NXPH1: variants seen among roughly 807,000 people sequenced by gnomAD.
NXPH1 encodes the protein neurexophilin-1.
NXPH1 carries 5 observed loss-of-function variants against 23.7 expected under a neutral mutation model. The observed-to-expected ratio is 0.21, with a 90% CI of 0.11 to 0.44. The LOEUF (loss-of-function observed/expected upper bound fraction) is 0.44. Ranked by LOEUF, NXPH1 falls within the 20% of genes least tolerant of loss-of-function variation. The probability of loss-of-function intolerance (pLI) is 0.99; values close to 1 mark genes in which losing one functional copy is unlikely to be tolerated. For missense variants in NXPH1, 324 were observed against 321.6 expected, an observed-to-expected ratio of 1.01 and a Z score of -0.06; for synonymous variants, 144 against 122.2, an observed-to-expected ratio of 1.18 and a Z score of -1.18.
intron 2 of NXPH1, among the ~76,000 whole-genome samples, chr7:8,680,351 G>A (rs1821031626): frequency 6.6e-6 from 1 of 152,156 alleles, no homozygotes; most frequent in Non-Finnish European, 1.5e-5. Context: ...GAAAATACAT[G>A]GGCTGTGTGA....
At chr7:8,578,629 G>T (rs1818798810) in intron 2 of NXPH1, among the ~76,000 whole-genome samples, 1 of 152,164 alleles carries the variant, frequency 6.6e-6, no homozygotes, top group Non-Finnish European at 1.5e-5. Context: ...ACTGCAGGCT[G>T]GTCATGAACT....
chr7:8,675,864 T>A (rs934155813), intron 2 of NXPH1, among the ~76,000 whole-genome samples: 17 of 152,138 alleles, frequency 1.1e-4, no homozygotes, highest in Non-Finnish European at 2.5e-4. Flanking sequence ...TCCAATAAAT[T>A]AGTCAATTCA....
At chr7:8,496,280 A>C (rs1426279541) in intron 2 of NXPH1, among the ~76,000 whole-genome samples, 1 of 152,030 alleles carries the variant, frequency 6.6e-6, no homozygotes, top group African/African-American at 2.4e-5. Context: ...GTGAAGGGTG[A>C]GCACAAGGTA....
At chr7:8,490,821 A>G (rs1817236962) in intron 2 of NXPH1, among the ~76,000 whole-genome samples, 1 of 152,046 alleles carries the variant, frequency 6.6e-6, no homozygotes, top group Admixed American at 6.6e-5. Flanking sequence ...CAACAGCCCC[A>G]CCTTCCAGGT....
chr7:8,647,314 C>G (rs1820412427), intron 2 of NXPH1, among the ~76,000 whole-genome samples: 1 of 152,236 alleles, frequency 6.6e-6, no homozygotes, highest in East Asian at 1.9e-4. Context: ...AAGCAGAAGT[C>G]AGCTAGAAGA....
chr7:8,553,238 C>T (rs1818306220), intron 2 of NXPH1, among the ~76,000 whole-genome samples: 1 of 151,308 alleles, frequency 6.6e-6, no homozygotes, highest in African/African-American at 2.4e-5. Flanking sequence ...GTGGGCAAAC[C>T]AGTTTTGTCT....
intron 2 of NXPH1, among the ~76,000 whole-genome samples, chr7:8,512,521 G>A (rs993430413): frequency 6.6e-6 from 1 of 152,076 alleles, no homozygotes; most frequent in African/African-American, 2.4e-5. Flanking sequence ...TTGAGAGGGT[G>A]ATTATGATGA....
intron 2 of NXPH1, among the ~76,000 whole-genome samples, chr7:8,602,994 A>G (rs1001213087): frequency 2.0e-5 from 3 of 152,174 alleles, no homozygotes; most frequent in African/African-American, 7.2e-5. Context: ...TATTTTTAGT[A>G]GAGACGGGGT....
At chr7:8,673,827 C>A (rs571450994) in intron 2 of NXPH1, among the ~76,000 whole-genome samples, 17 of 151,880 alleles carry the variant, frequency 1.1e-4, no homozygotes, top group African/African-American at 3.9e-4. Context: ...TGAAAAAAAA[C>A]ACATCTTCCC....
chr7:8,488,907 C>A (rs1817204919), intron 2 of NXPH1, among the ~76,000 whole-genome samples: 1 of 152,178 alleles, frequency 6.6e-6, no homozygotes, highest in African/African-American at 2.4e-5. Context: ...TCAACTTCAT[C>A]TTTTAGCAGC....
At chr7:8,503,253 G>T (rs531090013) in intron 2 of NXPH1, among the ~76,000 whole-genome samples, 9 of 152,136 alleles carry the variant, frequency 5.9e-5, no homozygotes, top group Admixed American at 4.6e-4. Context: ...TAAGGAAACT[G>T]AGACACAGAA....
chr7:8,478,870 G>A (rs896182723), intron 2 of NXPH1, among the ~76,000 whole-genome samples: 1 of 151,990 alleles, frequency 6.6e-6, no homozygotes, highest in African/African-American at 2.4e-5. Context: ...AAGAAAATAT[G>A]AGCCAAAGAT....
chr7:8,465,391 ATTACC>A lies in NXPH1; in HGVS notation c.54+29627_54+29631del, dbSNP rs1816770080. On this transcript the variant is annotated intron_variant, in intron 2 of 2. Transcript: ENST00000405863. The stretch of plus-strand genomic sequence containing the variant: ...GGGGATTGTGTCTCCTGAAGGATTA[ATTACC>A]TTTTATAAGGCCTCTCACCCCTGAA... Among the ~76,000 whole-genome samples the A allele has an allele frequency of 2.0e-5, 3 of 152,248 alleles. No homozygotes were observed. In the South Asian group the frequency reaches 6.2e-4, roughly 32 times the overall value.
chr7:8,640,710 C>G (rs531231873), intron 2 of NXPH1, among the ~76,000 whole-genome samples: 1 of 152,212 alleles, frequency 6.6e-6, no homozygotes, highest in East Asian at 1.9e-4. Context: ...AATGTTAGCA[C>G]TTTGGGAGGT....
intron 2 of NXPH1, among the ~76,000 whole-genome samples, chr7:8,732,224 G>A (rs1389359479): frequency 6.6e-6 from 1 of 152,238 alleles, no homozygotes; most frequent in Admixed American, 6.5e-5. Context: ...CGCACCCACT[G>A]ACTTGCGCCC....
chr7:8,720,138 C>G (rs58491174), intron 2 of NXPH1, among the ~76,000 whole-genome samples: 4,391 of 47,888 alleles, frequency 0.092, 200 homozygotes, highest in East Asian at 0.49. Context: ...TGGGGAATGC[C>G]TCTACTTGGT....
At chr7:8,444,061 G>A (rs1816354959) in intron 2 of NXPH1, among the ~76,000 whole-genome samples, 1 of 152,166 alleles carries the variant, frequency 6.6e-6, no homozygotes, top group Admixed American at 6.5e-5. Flanking sequence ...GAAATAAGAC[G>A]GATAGTACCG....
chr7:8,607,550 G>T (rs1311231709), intron 2 of NXPH1, among the ~76,000 whole-genome samples: 1 of 152,166 alleles, frequency 6.6e-6, no homozygotes, highest in African/African-American at 2.4e-5. Context: ...AACTGCCTAA[G>T]AAGAGAACTC....
chr7:8,458,294 A>T (rs779873835), intron 2 of NXPH1, among the ~76,000 whole-genome samples: 3 of 152,162 alleles, frequency 2.0e-5, no homozygotes, highest in Non-Finnish European at 4.4e-5. Flanking sequence ...CAGTTCCATA[A>T]CCTCTTTCTA....
Sources: gnomAD v4.1 joint callset for allele counts (sites outside exome capture counted in the v4.1 genomes callset) on GRCh38, gnomAD v4.1.1 for gene constraint, MANE v1.5 for transcripts, NCBI Gene and HGNC (gene_info 2026-07-23, HGNC 2026-07-21) for gene names.